LRIG1: variants seen among roughly 807,000 people sequenced by gnomAD.
The protein encoded by LRIG1 is leucine-rich repeats and immunoglobulin-like domains protein 1.
A neutral mutation model predicts 99.2 loss-of-function variants in LRIG1; 48 were observed. The observed-to-expected ratio is 0.48, with a 90% CI of 0.38 to 0.62. The LOEUF (loss-of-function observed/expected upper bound fraction) is 0.62, where lower values mean the gene tolerates loss of function less well. Among genes scored for constraint, LRIG1 ranks in the 20% least tolerant of loss-of-function variants. The probability of loss-of-function intolerance (pLI) is 0.00; values close to 1 mark genes in which losing one functional copy is unlikely to be tolerated. For missense variants in LRIG1, 1,646 were observed against 1,434.4 expected (o/e 1.15, Z -2.38); for synonymous variants, 772 against 596.1 (o/e 1.29, Z -4.30).
intron 6 of LRIG1, among the ~76,000 whole-genome samples, chr3:66,410,947 G>A (rs748340984): frequency 1.8e-4 from 28 of 152,368 alleles, no homozygotes; most frequent in Non-Finnish European, 3.5e-4. Flanking sequence ...TAGGAGACCC[G>A]CTTTAGCTCT....
intron 6 of LRIG1, 53 bp from the exon 7 acceptor site, chr3:66,410,325 G>C: frequency 1.3e-6 from 2 of 1,539,560 alleles, no homozygotes; most frequent in Non-Finnish European, 1.8e-6. Flanking sequence ...CCCTTCACTG[G>C]ACAGACAGCA....
At position 66,386,313 on chromosome 3, in the gene LRIG1, A is replaced by C; in HGVS notation, c.1469-12T>G. ...CTTCAGGAAGTCATCTGGGGAGAGA[A>C]GGGTCAACTGTAAAGCGCTGGGTTC... On this transcript the variant is annotated splice_polypyrimidine_tract_variant and intron_variant, in intron 12 of 18. Transcript: ENST00000273261. 6.2e-7 allele frequency: 1 copy of C among 1,611,550 alleles called. No individual in the cohort carries two copies. The highest frequency in any genetic ancestry group is 8.5e-7 in the Non-Finnish European group (1 of 1,178,344).
Position 66,398,237 on chromosome 3 carries a change from G to C in LRIG1, c.1233-54C>G, listed in dbSNP as rs1701929865. 3 of 1,412,058 alleles carry C rather than the reference G, an allele frequency of 2.1e-6. No homozygotes were observed. The East Asian group carries it at 6.8e-5, about 32-fold the overall frequency. 87.5% of individuals were successfully genotyped at this position (1,412,058 alleles called of 1,614,324 possible). On this transcript the variant is annotated intron_variant, in intron 10 of 18. Coordinates refer to ENST00000273261, the MANE Select transcript of LRIG1 (RefSeq NM_015541.3). ...AAGAAACCCTAGGTACACCTGAGGG[G>C]TTTTCAGGACAGTCCTGGTTTCACA... is the stretch of plus-strand genomic sequence containing the variant.
chr3:66,451,638 A>T lies in LRIG1; in HGVS notation c.291-5T>A. ...AACTCATTATTATTGAGGTACCTGT[A>T]ACAACAACAAGAAATTAATCATGTA... On this transcript the variant is annotated splice_region_variant and splice_polypyrimidine_tract_variant and intron_variant, in intron 2 of 18. Coordinates refer to ENST00000273261, the MANE Select transcript of LRIG1 (RefSeq NM_015541.3). The T allele has an allele frequency of 6.2e-7, 1 of 1,609,784 alleles. No homozygotes were observed. The highest frequency in any genetic ancestry group is 8.5e-7 in the Non-Finnish European group (1 of 1,176,226).
At chr3:66,430,193 A>C (rs11923704) in intron 3 of LRIG1, among the ~76,000 whole-genome samples, 75,982 of 126,954 alleles carry the variant, frequency 0.6, 21,095 homozygotes, top group Non-Finnish European at 0.68. Flanking sequence ...ACAACAACAA[A>C]AAAAAAACAC....
At chr3:66,391,496 G>C (rs1701617570) in intron 12 of LRIG1, among the ~76,000 whole-genome samples, 1 of 152,180 alleles carries the variant, frequency 6.6e-6, no homozygotes, top group South Asian at 2.1e-4. Context: ...TAAAAATTAT[G>C]CTAAGTGAGA....
chr3:66,411,583 C>T (rs7639179), intron 6 of LRIG1, among the ~76,000 whole-genome samples: 5,514 of 152,230 alleles, frequency 0.036, 329 homozygotes, highest in African/African-American at 0.12. Context: ...AGGAAACATC[C>T]TCACTGTTCA....
chr3:66,439,057 G>T (rs192449594), intron 3 of LRIG1, among the ~76,000 whole-genome samples: 3 of 152,218 alleles, frequency 2.0e-5, no homozygotes, highest in Non-Finnish European at 4.4e-5. Context: ...CAGGGTTCTC[G>T]TTAACACACA....
At chr3:66,489,796 G>C (rs530538463) in intron 1 of LRIG1, among the ~76,000 whole-genome samples, 3 of 152,114 alleles carry the variant, frequency 2.0e-5, no homozygotes, top group Non-Finnish European at 2.9e-5. Context: ...CGTCTCCTGA[G>C]GCCCAGCCAT....
intron 1 of LRIG1, among the ~76,000 whole-genome samples, chr3:66,497,036 T>C (rs1417237464): frequency 1.3e-5 from 2 of 152,250 alleles, no homozygotes; most frequent in Non-Finnish European, 2.9e-5. Flanking sequence ...AAACACATAG[T>C]ACAAAGAGAT....
At chr3:66,499,538 G>A (rs1325607377) in intron 1 of LRIG1, among the ~76,000 whole-genome samples, 1 of 152,180 alleles carries the variant, frequency 6.6e-6, no homozygotes, top group Non-Finnish European at 1.5e-5. Flanking sequence ...GCACTCACAG[G>A]TCGCCAGGAA....
intron 12 of LRIG1, 41 bp downstream of exon 12, chr3:66,393,999 T>G (rs201487444): frequency 1.2e-6 from 2 of 1,608,124 alleles, no homozygotes; most frequent in Admixed American, 1.7e-5. Flanking sequence ...GGCTTCCTTG[T>G]CCTTCATGAA....
At chr3:66,487,182 T>G (rs1024947494) in intron 1 of LRIG1, among the ~76,000 whole-genome samples, 2 of 152,180 alleles carry the variant, frequency 1.3e-5, no homozygotes, top group African/African-American at 2.4e-5. Flanking sequence ...TCTCTAAAAG[T>G]TCTGACATAT....
chr3:66,382,936 G>T, intron 15 of LRIG1, 46 bp downstream of exon 15: 17 of 1,542,008 alleles, frequency 1.1e-5, no homozygotes, highest in Non-Finnish European at 1.5e-5. Context: ...CAGCATCACT[G>T]CCATTCCTCC....
chr3:66,394,377 T>C (rs1202372612), intron 11 of LRIG1, among the ~76,000 whole-genome samples, 174 bp from the exon 12 acceptor site: 1 of 152,236 alleles, frequency 6.6e-6, no homozygotes, highest in Admixed American at 6.5e-5. Flanking sequence ...GCAGTGCATA[T>C]AACCCACCTG....
chr3:66,418,343 T>C (rs1051154633), intron 3 of LRIG1, among the ~76,000 whole-genome samples: 1 of 152,224 alleles, frequency 6.6e-6, no homozygotes, highest in Non-Finnish European at 1.5e-5. Context: ...TCCACCCGCC[T>C]TGGCCTCCCA....
intron 1 of LRIG1, among the ~76,000 whole-genome samples, chr3:66,495,846 A>G (rs1701214574): frequency 6.6e-6 from 1 of 152,192 alleles, no homozygotes; most frequent in African/African-American, 2.4e-5. Flanking sequence ...AAGACTTTGC[A>G]CCAAGGAGAC....
intron 3 of LRIG1, among the ~76,000 whole-genome samples, chr3:66,443,949 G>A (rs1703631309): frequency 6.6e-6 from 1 of 152,158 alleles, no homozygotes; most frequent in African/African-American, 2.4e-5. Flanking sequence ...TGGGGCAGGT[G>A]GGGACCCCAG....
intron 1 of LRIG1, among the ~76,000 whole-genome samples, chr3:66,494,346 T>C (rs564336356): frequency 1.3e-5 from 2 of 152,158 alleles, no homozygotes; most frequent in African/African-American, 2.4e-5. Context: ...CGAGTGTGAG[T>C]TGGGTGTGAC....
Sources: allele counts gnomAD v4.1 joint callset (sites outside exome capture counted in the v4.1 genomes callset), GRCh38; gene constraint gnomAD v4.1.1; transcripts MANE v1.5; gene names NCBI Gene and HGNC (gene_info 2026-07-23, HGNC 2026-07-21).